The following SLC22A25 variants were observed in gnomAD, a reference collection of about 807,000 sequenced individuals.
SLC22A25 encodes the protein solute carrier family 22 member 25, also known as MGI:2442751, MGI:2385316, MGI:3042283, MGI:3645714, MGI:3605624, MGI:2442750.
Under a neutral mutation model 45.9 loss-of-function variants are expected in SLC22A25, and 44 were observed. The observed-to-expected ratio is 0.96, with a 90% confidence interval of 0.75 to 1.23. The LOEUF is 1.23. Among genes scored for constraint, SLC22A25 ranks in the 50% most tolerant of loss-of-function variants. The probability of loss-of-function intolerance (pLI) is 0.00; values close to 1 mark genes in which losing one functional copy is unlikely to be tolerated. For missense variants in SLC22A25, 800 were observed against 666.4 expected (o/e 1.20, Z -2.21); for synonymous variants, 283 against 238.6 (o/e 1.19, Z -1.72).
In SLC22A25 at chr11:63,232,545, G is replaced by T. The variant is rs1590917025; in HGVS notation, c.-444-2449C>A. 2.0e-5 allele frequency among the ~76,000 whole-genome samples: 3 copies of T among 152,224 alleles called. No individual in the cohort carries two copies. The East Asian group carries it at 5.8e-4, about 29-fold the overall frequency. On this transcript the variant is annotated intron_variant, in intron 3 of 11. Coordinates refer to ENST00000306494, the MANE Select transcript of SLC22A25 (RefSeq NM_199352.6). ...AAGGAGATTTTGGGCTGAGACGATG[G>T]GGTTTTCTAGATATACAATCATGTC...
At chr11:63,208,463 C>T (rs1382205912) in intron 7 of SLC22A25, among the ~76,000 whole-genome samples, 1 of 152,166 alleles carries the variant, frequency 6.6e-6, no homozygotes, top group Non-Finnish European at 1.5e-5. Flanking sequence ...TTCATTGGAT[C>T]TGGAGACAGG....
chr11:63,208,760 G>T (rs2089476890), intron 7 of SLC22A25, among the ~76,000 whole-genome samples: 1 of 152,108 alleles, frequency 6.6e-6, no homozygotes, highest in Non-Finnish European at 1.5e-5. Flanking sequence ...AGGTGAGTGT[G>T]GGGGAAATTA....
At chr11:63,173,713 C>G (rs946473320) in intron 9 of SLC22A25, among the ~76,000 whole-genome samples, 1 of 152,092 alleles carries the variant, frequency 6.6e-6, no homozygotes, top group South Asian at 2.1e-4. Context: ...ATGTATACTG[C>G]TCACTGCCAT....
At chr11:63,228,968 A>G (rs2090016376) in intron 4 of SLC22A25, among the ~76,000 whole-genome samples, 1 of 152,186 alleles carries the variant, frequency 6.6e-6, no homozygotes, top group African/African-American at 2.4e-5. Flanking sequence ...AGCATTCTTT[A>G]CTTAGCAGAA....
rs17157907 is a variant in SLC22A25 at position 63,164,577 on chromosome 11, C to T, written c.1343G>A (p.Gly448Asp). 6.2e-7 allele frequency: 1 copy of T among 1,613,740 alleles called. No homozygotes were observed. Among genetic ancestry groups the T allele is most frequent in the Admixed American group, 1.7e-5 (1 of 59,970 alleles). The change falls in exon 11 of 12, where the codon GGC becomes GAC. Residue 448 changes from glycine (G) to aspartate (D), a missense_variant. By Grantham distance (94) the Gly-to-Asp change is moderately conservative. Transcript: ENST00000306494. The stretch of plus-strand genomic sequence containing the variant: ...TTCTTGGGCAGTAGAACAGGTAATG[C>T]CAAGAGAAGCAGCTCCCACACCCAG... ...ATLGVGAASLGITCSTAQENE... is the reference protein window; with the variant it reads ...ATLGVGAASLDITCSTAQENE...
At chr11:63,188,045 T>C (rs957425772) in intron 7 of SLC22A25, among the ~76,000 whole-genome samples, 3 of 152,190 alleles carry the variant, frequency 2.0e-5, no homozygotes, top group Non-Finnish European at 4.4e-5. Flanking sequence ...GGTATCAGGA[T>C]TATGCTGGCC....
chr11:63,213,642 A>G (rs1357058180), intron 7 of SLC22A25, among the ~76,000 whole-genome samples: 1 of 152,138 alleles, frequency 6.6e-6, no homozygotes, highest in African/African-American at 2.4e-5. Flanking sequence ...TCCCCAGATA[A>G]CACTAGAGAC....
chr11:63,195,624 T>C (rs1327819956), intron 7 of SLC22A25, among the ~76,000 whole-genome samples: 1 of 152,126 alleles, frequency 6.6e-6, no homozygotes, highest in East Asian at 1.9e-4. Context: ...GGGAAATTTA[T>C]AGCACTAAAT....
intron 2 of SLC22A25, among the ~76,000 whole-genome samples, 197 bp downstream of exon 2, chr11:63,238,520 T>C (rs1461087520): frequency 1.3e-5 from 2 of 152,202 alleles, no homozygotes; most frequent in Admixed American, 1.3e-4. Flanking sequence ...ATGATAGCAG[T>C]GTACATGTCT....
chr11:63,240,898 A>G (rs1254462004), intron 1 of SLC22A25, among the ~76,000 whole-genome samples: 1 of 152,180 alleles, frequency 6.6e-6, no homozygotes, highest in South Asian at 2.1e-4. Flanking sequence ...TTATCCTTTG[A>G]CTATTTACTT....
chr11:63,167,634 G>A (rs980868530), intron 9 of SLC22A25: 5 of 152,666 alleles, frequency 3.3e-5, no homozygotes, highest in African/African-American at 9.6e-5. Context: ...TCACTGGGCA[G>A]GGCATCTCTG....
chr11:63,190,990 G>A (rs1368095463), intron 7 of SLC22A25, among the ~76,000 whole-genome samples: 3 of 152,220 alleles, frequency 2.0e-5, no homozygotes, highest in African/African-American at 7.2e-5. Flanking sequence ...GCTACTCAGG[G>A]TTCAGGGACC....
intron 7 of SLC22A25, among the ~76,000 whole-genome samples, chr11:63,206,173 A>G (rs1408134276): frequency 1.3e-5 from 2 of 152,236 alleles, no homozygotes; most frequent in African/African-American, 2.4e-5. Flanking sequence ...ACCTATAGCC[A>G]ATATCATACT....
intron 5 of SLC22A25, among the ~76,000 whole-genome samples, chr11:63,223,586 T>C (rs560827924): frequency 6.6e-6 from 1 of 152,082 alleles, no homozygotes; most frequent in South Asian, 2.1e-4. Flanking sequence ...GTTTTGTTGC[T>C]GTTTTGCATT....
At chr11:63,172,035 G>A (rs1368586114) in intron 9 of SLC22A25, among the ~76,000 whole-genome samples, 1 of 152,144 alleles carries the variant, frequency 6.6e-6, no homozygotes, top group Non-Finnish European at 1.5e-5. Flanking sequence ...ACACAAATGA[G>A]CAATGGGGAA....
At chr11:63,213,648 G>C (rs531175310) in intron 7 of SLC22A25, among the ~76,000 whole-genome samples, 3 of 152,266 alleles carry the variant, frequency 2.0e-5, no homozygotes, top group African/African-American at 7.2e-5. Flanking sequence ...GATAACACTA[G>C]AGACTATAAA....
At chr11:63,226,076 C>A (rs978764682) in intron 5 of SLC22A25, among the ~76,000 whole-genome samples, 1 of 152,000 alleles carries the variant, frequency 6.6e-6, no homozygotes, top group Non-Finnish European at 1.5e-5. Context: ...CATTTTTTCT[C>A]AATACCATTA....
intron 8 of SLC22A25, among the ~76,000 whole-genome samples, chr11:63,182,004 G>A (rs143410105): frequency 1.6e-3 from 241 of 152,128 alleles, no homozygotes; most frequent in African/African-American, 5.2e-3. Flanking sequence ...ACTGATCAAC[G>A]GATTGCTATT....
intron 7 of SLC22A25, among the ~76,000 whole-genome samples, chr11:63,202,552 C>T (rs4000269): frequency 0.34 from 51,471 of 152,146 alleles, 9,121 homozygotes; most frequent in East Asian, 0.56. Flanking sequence ...TTGAATTGGG[C>T]GGAGCCCACC....
Sources: gnomAD v4.1 joint callset for allele counts (sites outside exome capture counted in the v4.1 genomes callset) on GRCh38, gnomAD v4.1.1 for gene constraint, MANE v1.5 for transcripts, NCBI Gene and HGNC (gene_info 2026-07-23, HGNC 2026-07-21) for gene names.